Variants in ANXA4 observed in about 807,000 individuals in gnomAD.
ANXA4 encodes the protein annexin A4, also known as 35-beta calcimedin.
ANXA4 carries 39 observed loss-of-function variants against 49.8 expected under a neutral mutation model. That is an observed-to-expected ratio of 0.78 (90% confidence interval 0.61 to 1.02). ANXA4 has a LOEUF of 1.02. Among genes scored for constraint, ANXA4 ranks in the 50% least tolerant of loss-of-function variants. The pLI is 0.00. For missense variants in ANXA4, 360 were observed against 410.1 expected, an observed-to-expected ratio of 0.88 and a Z score of 1.05; for synonymous variants, 134 against 152.5, an observed-to-expected ratio of 0.88 and a Z score of 0.89.
At chr2:69,811,958 A>G (rs1673723987) in intron 7 of ANXA4, among the ~76,000 whole-genome samples, 1 of 152,130 alleles carries the variant, frequency 6.6e-6, no homozygotes, top group African/African-American at 2.4e-5. Context: ...AAACTAGAGG[A>G]AAGTAGCCCA....
chr2:69,679,150 G>C (rs1289015490), intron 2 of ANXA4, among the ~76,000 whole-genome samples: 1 of 151,718 alleles, frequency 6.6e-6, no homozygotes, highest in African/African-American at 2.4e-5. Context: ...AAAGTTTTTG[G>C]TTTTGAGACA....
chr2:69,807,416 T>A (rs1673488215), intron 5 of ANXA4, among the ~76,000 whole-genome samples: 1 of 152,190 alleles, frequency 6.6e-6, no homozygotes, highest in Non-Finnish European at 1.5e-5. Flanking sequence ...AATGCAAATA[T>A]AAATGGTCCC....
chr2:69,768,939 A>G (rs1375175117), intron 1 of ANXA4, among the ~76,000 whole-genome samples: 1 of 152,126 alleles, frequency 6.6e-6, no homozygotes, highest in East Asian at 1.9e-4. Flanking sequence ...AAAAAACAAA[A>G]AAAAACCTCC....
chr2:69,803,459 G>A (rs1324432138), intron 3 of ANXA4: 1 of 152,110 alleles, frequency 6.6e-6, no homozygotes, highest in African/African-American at 2.4e-5. Flanking sequence ...TAAAGACAAG[G>A]GACCAATCTG....
At chr2:69,810,493 C>T in intron 6 of ANXA4, 101 bp from the exon 7 acceptor site, 1 of 938,402 alleles carries the variant, frequency 1.1e-6, no homozygotes, top group African/African-American at 1.6e-5. Context: ...AAGCTGCTTC[C>T]ATAAGCAGGC....
At chr2:69,673,578 CA>C (rs1315478295) in intron 2 of ANXA4, among the ~76,000 whole-genome samples, 3 of 151,768 alleles carry the variant, frequency 2.0e-5, no homozygotes, top group Admixed American at 6.6e-5. Flanking sequence ...ATGGGCACAG[CA>C]AACCACCATG....
intron 3 of ANXA4, among the ~76,000 whole-genome samples, chr2:69,723,810 A>G (rs1469248954): frequency 6.6e-6 from 1 of 152,156 alleles, no homozygotes; most frequent in East Asian, 1.9e-4. Context: ...TTGGTCTCCT[A>G]AAGTGCTGGG....
chr2:69,756,219 A>G (rs542979572), intron 1 of ANXA4, among the ~76,000 whole-genome samples: 1 of 152,292 alleles, frequency 6.6e-6, no homozygotes, highest in African/African-American at 2.4e-5. Context: ...CTTGGAAGCT[A>G]CCAGCCCAGC....
intron 1 of ANXA4, among the ~76,000 whole-genome samples, chr2:69,743,495 G>C (rs1670485718): frequency 6.6e-6 from 1 of 152,190 alleles, no homozygotes; most frequent in South Asian, 2.1e-4. Context: ...TGGGATTACA[G>C]GCATGAGCCA....
Position 69,825,559 on chromosome 2 carries a change from T to A in ANXA4, c.*44T>A. 6.8e-7 allele frequency: 1 copy of A among 1,467,734 alleles called. No homozygotes were observed. The highest frequency in any genetic ancestry group is 9.4e-7 in the Non-Finnish European group (1 of 1,065,548). 90.9% of individuals were successfully genotyped at this position (1,467,734 alleles called of 1,614,324 possible). A position where few individuals can be genotyped will look rare whatever the true frequency, so the allele number is the denominator to read the frequency against. Reference sequence around the variant, plus strand: ...ACAGGAGGATTCTCAACACTTTGAATTTTTTTAACTTCATTTTTCTACACT... The same window carrying A: ...ACAGGAGGATTCTCAACACTTTGAAATTTTTTAACTTCATTTTTCTACACT... On this transcript the variant is annotated 3_prime_UTR_variant, in exon 13 of 13. Coordinates refer to ENST00000394295, the MANE Select transcript of ANXA4 (RefSeq NM_001153.5).
At chr2:69,729,657 A>C (rs1040067436) in intron 3 of ANXA4, among the ~76,000 whole-genome samples, 1 of 152,242 alleles carries the variant, frequency 6.6e-6, no homozygotes, top group Non-Finnish European at 1.5e-5. Context: ...CCCAGGATAA[A>C]GTTAAGAACT....
At chr2:69,705,783 T>G (rs1678475131) in intron 2 of ANXA4, among the ~76,000 whole-genome samples, 1 of 151,946 alleles carries the variant, frequency 6.6e-6, no homozygotes, top group Non-Finnish European at 1.5e-5. Context: ...AATACAAAAA[T>G]TAGCCAGGCC....
intron 12 of ANXA4, among the ~76,000 whole-genome samples, chr2:69,824,447 G>GAAAA: frequency 6.7e-6 from 1 of 149,326 alleles, no homozygotes; most frequent in Non-Finnish European, 1.5e-5. Context: ...AGGTCGCAGT[G>GAAAA]AGCCAGGATT....
At chr2:69,711,269 G>A (rs1678670761) in intron 2 of ANXA4, among the ~76,000 whole-genome samples, 1 of 152,220 alleles carries the variant, frequency 6.6e-6, no homozygotes, top group Admixed American at 6.5e-5. Flanking sequence ...GGCAGAGGTT[G>A]CAATGAGCCG....
chr2:69,775,792 T>A (rs1671936747), intron 1 of ANXA4, among the ~76,000 whole-genome samples: 4 of 152,144 alleles, frequency 2.6e-5, no homozygotes, highest in Admixed American at 2.6e-4. Flanking sequence ...GGACTTTAAG[T>A]CTAGCTATGC....
intron 2 of ANXA4, among the ~76,000 whole-genome samples, chr2:69,706,181 T>C (rs889893382): frequency 2.0e-5 from 3 of 151,684 alleles, no homozygotes; most frequent in Non-Finnish European, 2.9e-5. Context: ...TTGGTTTGTT[T>C]GTTAAATCAG....
chr2:69,726,023 T>A (rs975194306), intron 3 of ANXA4, among the ~76,000 whole-genome samples: 1 of 152,198 alleles, frequency 6.6e-6, no homozygotes, highest in African/African-American at 2.4e-5. Flanking sequence ...TTGAAAATAA[T>A]TTTTCCTGAA....
chr2:69,822,045 T>A (rs77702850), intron 12 of ANXA4, among the ~76,000 whole-genome samples: 2,759 of 152,236 alleles, frequency 0.018, 107 homozygotes, highest in African/African-American at 0.063. Context: ...TTACGAAACT[T>A]TAAGCACCAA....
At chr2:69,810,486 C>T (rs1673650157) in intron 6 of ANXA4, 108 bp from the exon 7 acceptor site, 3 of 869,224 alleles carry the variant, frequency 3.5e-6, no homozygotes, top group East Asian at 2.5e-5. Flanking sequence ...TCATGATAAG[C>T]TGCTTCCATA....
Sources: allele counts gnomAD v4.1 joint callset (sites outside exome capture counted in the v4.1 genomes callset), GRCh38; gene constraint gnomAD v4.1.1; transcripts MANE v1.5; gene names NCBI Gene and HGNC (gene_info 2026-07-23, HGNC 2026-07-21).